ZNF462: variants seen among roughly 807,000 people sequenced by gnomAD.
The protein encoded by ZNF462 is zinc finger protein 462, also known as zinc finger PBX1-interacting protein.
In ZNF462, 10 loss-of-function variants were observed where a neutral mutation model predicts 201.9. The observed-to-expected ratio is 0.05, with a 90% CI of 0.03 to 0.08. The LOEUF is 0.08. Among genes scored for constraint, ZNF462 ranks in the 10% least tolerant of loss-of-function variants. ZNF462 has a pLI of 1.00. For synonymous variants in ZNF462, 1,227 were observed against 1,193.3 expected, an observed-to-expected ratio of 1.03 and a Z score of -0.58; for missense variants, 2,523 against 3,168.3, an observed-to-expected ratio of 0.80 and a Z score of 4.89.
intron 11 of ZNF462, among the ~76,000 whole-genome samples, chr9:107,007,044 G>A (rs1829598544): frequency 6.6e-6 from 1 of 152,122 alleles, no homozygotes; most frequent in Admixed American, 6.5e-5. Flanking sequence ...TTTTCTGGGA[G>A]AGGATACTTT....
At chr9:106,908,943 T>A (rs4742676) in intron 1 of ZNF462, among the ~76,000 whole-genome samples, 323 of 17,518 alleles carry the variant, frequency 0.018, 1 homozygote, top group Admixed American at 0.029. Context: ...ATATATATAT[T>A]TTTTTTTTTT....
Position 107,010,837 on chromosome 9 carries a change from C to A in ZNF462, c.7328C>A (p.Thr2443Asn). 1 of 1,612,648 alleles carries A rather than the reference C, an allele frequency of 6.2e-7. No homozygotes were observed. Among genetic ancestry groups the A allele is most frequent in the Non-Finnish European group, 8.5e-7 (1 of 1,179,374 alleles). The change falls in exon 13 of 13, where the codon ACC becomes AAC. Residue 2443 changes from threonine (T) to asparagine (N), a missense_variant. Physicochemically the swap from Thr to Asn is moderately conservative, Grantham distance 65. Around this residue, in one of 15 missense-constraint regions of ZNF462, gnomAD observed 228 missense variants for 361.2 expected, o/e 0.63. Transcript: ENST00000277225. This position sits in a 1 kb window ranked among gnomAD's most constrained non-coding sequence, Gnocchi z 4.6. ...TGTTTTTCCAGGGCATTGAATGACA[C>A]CAAGCAGGTGAGCAGAGAAGAAATC... The part of the protein sequence containing the change: ...VLRHGMALND[T>N]KQVSREEIHP...
chr9:106,982,967 G>T (rs1266247348), intron 9 of ZNF462, among the ~76,000 whole-genome samples: 2 of 152,140 alleles, frequency 1.3e-5, no homozygotes, highest in Non-Finnish European at 2.9e-5. Context: ...ATGCTTTCTT[G>T]ACTTAATAAT....
intron 1 of ZNF462, among the ~76,000 whole-genome samples, chr9:106,893,580 C>T (rs541374269): frequency 2.0e-5 from 3 of 152,282 alleles, no homozygotes; most frequent in African/African-American, 7.2e-5. Flanking sequence ...GCACTCGAAG[C>T]GATATCTCCT....
intron 7 of ZNF462, among the ~76,000 whole-genome samples, chr9:106,960,544 A>G (rs1831786418): frequency 4.6e-5 from 7 of 152,116 alleles, no homozygotes; most frequent in Admixed American, 2.6e-4. Flanking sequence ...AACAGCAGGA[A>G]ACCTTACTTC....
Position 106,863,311 on chromosome 9 carries a change from G to T in ZNF462, c.-75G>T, listed in dbSNP as rs1249691350. On this transcript the variant is annotated 5_prime_UTR_variant, in exon 1 of 13. Transcript: ENST00000277225. ...GAGAAAGAGGATAAGGAGGCGGTGG[G>T]GCTGGAGAACCCGAAGCACCTCCCG... The T allele has an allele frequency of 2.5e-6, 1 of 398,376 alleles. No individual in the cohort carries two copies. 24.7% of individuals were successfully genotyped at this position (398,376 alleles called of 1,614,324 possible).
intron 7 of ZNF462, among the ~76,000 whole-genome samples, chr9:106,947,473 A>G (rs1010832169): frequency 3.3e-5 from 5 of 152,192 alleles, no homozygotes; most frequent in African/African-American, 1.2e-4. Flanking sequence ...TAGCACTGCT[A>G]GTTATTTTTT....
chr9:106,919,666 G>A lies in ZNF462; in HGVS notation c.-30-3688G>A, dbSNP rs562490466. On this transcript the variant is annotated intron_variant, in intron 1 of 12. Coordinates refer to ENST00000277225, the MANE Select transcript of ZNF462 (RefSeq NM_021224.6). The surrounding 1 kb of genome is among the most constrained non-coding windows in gnomAD (Gnocchi z 4.5). The stretch of plus-strand genomic sequence containing the variant: ...AACTGAACAAACCAGCAACGAATAA[G>A]TAGTACTAAAGGCAGTGACTAATTA... 6.6e-6 allele frequency among the ~76,000 whole-genome samples: 1 copy of A among 152,286 alleles called. No individual in the cohort carries two copies. The highest frequency in any genetic ancestry group is 1.5e-5 in the Non-Finnish European group (1 of 68,036).
In ZNF462 at chr9:106,963,918, C is replaced by T. The variant is rs922851575; in HGVS notation, c.6428-8087C>T. Among the ~76,000 whole-genome samples, 2 of 151,990 alleles carry T rather than the reference C, an allele frequency of 1.3e-5. No homozygotes were observed. The highest frequency in any genetic ancestry group is 4.8e-5 in the African/African-American group (2 of 41,400). Reference sequence around the variant, plus strand: ...ATGGGTTTGACTGCTCTAGGTGCCTCATGGAAGTGGCATCGTGCAGTATTT... The same window carrying T: ...ATGGGTTTGACTGCTCTAGGTGCCTTATGGAAGTGGCATCGTGCAGTATTT... On this transcript the variant is annotated intron_variant, in intron 7 of 12. Coordinates refer to ENST00000277225, the MANE Select transcript of ZNF462 (RefSeq NM_021224.6). This position sits in a 1 kb window ranked among gnomAD's most constrained non-coding sequence, Gnocchi z 4.7.
intron 1 of ZNF462, among the ~76,000 whole-genome samples, chr9:106,909,004 C>A (rs1257799381): frequency 2.6e-5 from 3 of 115,704 alleles, no homozygotes; most frequent in African/African-American, 3.4e-5. Context: ...ACTCTATCAC[C>A]CAGACAAGAG....
chr9:106,887,468 C>T (rs1216131494), intron 1 of ZNF462, among the ~76,000 whole-genome samples: 1 of 152,126 alleles, frequency 6.6e-6, no homozygotes, highest in Non-Finnish European at 1.5e-5. Flanking sequence ...ATCAGTATTC[C>T]AAGATACTTC....
Position 106,885,872 on chromosome 9 carries a change from C to T in ZNF462, c.-31+22517C>T, listed in dbSNP as rs1828295196. ...TTTCCAGTTCCTCTATCCCTATTCC[C>T]TGTCATCACATAAACCACTTGGAGA... On this transcript the variant is annotated intron_variant, in intron 1 of 12. Coordinates refer to ENST00000277225, the MANE Select transcript of ZNF462 (RefSeq NM_021224.6). This position sits in a 1 kb window ranked among gnomAD's most constrained non-coding sequence, Gnocchi z 4.1. Among the ~76,000 whole-genome samples the T allele has an allele frequency of 6.6e-6, 1 of 152,164 alleles. No individual in the cohort carries two copies. Among genetic ancestry groups the T allele is most frequent in the Non-Finnish European group, 1.5e-5 (1 of 68,028 alleles).
In ZNF462 at chr9:106,876,027, CTT is replaced by C. The variant is rs889241170; in HGVS notation, c.-31+12673_-31+12674del. Among the ~76,000 whole-genome samples, 19 of 152,246 alleles carry C rather than the reference CTT, an allele frequency of 1.2e-4. No individual in the cohort carries two copies. The highest frequency in any genetic ancestry group is 2.6e-4 in the Admixed American group (4 of 15,296). On this transcript the variant is annotated intron_variant, in intron 1 of 12. Coordinates refer to ENST00000277225, the MANE Select transcript of ZNF462 (RefSeq NM_021224.6). This position sits in a 1 kb window ranked among gnomAD's most constrained non-coding sequence, Gnocchi z 4.9. Reference sequence around the variant, plus strand: ...ACATCAAGAGTGCAAATAGTCATCTCTTAGAATTTCTGGGGTGAAAATGCAGT... The same window carrying C: ...ACATCAAGAGTGCAAATAGTCATCTCAGAATTTCTGGGGTGAAAATGCAGT...
In ZNF462 at chr9:106,928,733, C is replaced by T. The variant is rs1438671147; in HGVS notation, c.4821C>T (p.Val1607=). The part of the protein sequence containing the change: ...EKYHNQPEFD[V]FSQSPPKLPV... Reference sequence around the variant, plus strand: ...ATCACAATCAGCCTGAATTTGATGTCTTTTCCCAGTCGCCCCCGAAGCTGC... The same window carrying T: ...ATCACAATCAGCCTGAATTTGATGTTTTTTCCCAGTCGCCCCCGAAGCTGC... Residue 1607 remains valine (V), a synonymous_variant, in exon 3 of 13, where the codon GTC becomes GTT. Coordinates refer to ENST00000277225, the MANE Select transcript of ZNF462 (RefSeq NM_021224.6). This position sits in a 1 kb window ranked among gnomAD's most constrained non-coding sequence, Gnocchi z 9.3. 1 of 1,614,120 alleles carries T rather than the reference C, an allele frequency of 6.2e-7. No homozygotes were observed. The highest frequency in any genetic ancestry group is 1.7e-5 in the Admixed American group (1 of 60,010).
chr9:106,957,057 GACTA>G (rs1485594379), intron 7 of ZNF462, among the ~76,000 whole-genome samples: 7 of 152,124 alleles, frequency 4.6e-5, no homozygotes, highest in African/African-American at 1.4e-4. Flanking sequence ...TTCACAACTT[GACTA>G]ACTGTTTGGC....
Position 106,923,223 on chromosome 9 carries a change from A to G in ZNF462, c.-30-131A>G. The G allele has an allele frequency of 1.5e-6, 1 of 659,074 alleles. No homozygotes were observed. Among genetic ancestry groups the G allele is most frequent in the Non-Finnish European group, 2.6e-6 (1 of 380,654 alleles). The allele number at this position is 659,074 out of a possible 1,614,324, so 40.8% of individuals were successfully genotyped here. A position where few individuals can be genotyped will look rare whatever the true frequency, so the allele number is the denominator to read the frequency against. ...TTGCCTCTCTTTAGCCAATGTTCCA[A>G]CTGGCAAAGTCCAATAAGAGAAATC... On this transcript the variant is annotated intron_variant, in intron 1 of 12. Coordinates refer to ENST00000277225, the MANE Select transcript of ZNF462 (RefSeq NM_021224.6). The surrounding 1 kb of genome is among the most constrained non-coding windows in gnomAD (Gnocchi z 5.6).
intron 1 of ZNF462, among the ~76,000 whole-genome samples, chr9:106,906,313 G>A (rs970009794): frequency 6.6e-6 from 1 of 152,152 alleles, no homozygotes; most frequent in Non-Finnish European, 1.5e-5. Context: ...GGGATTGCTG[G>A]TTTGTTCTTG....
At chr9:106,959,566 TG>T (rs1831734342) in intron 7 of ZNF462, among the ~76,000 whole-genome samples, 1 of 152,098 alleles carries the variant, frequency 6.6e-6, no homozygotes, top group African/African-American at 2.4e-5. Flanking sequence ...CTTCTCCACT[TG>T]ACAAATGAGG....
intron 7 of ZNF462, among the ~76,000 whole-genome samples, chr9:106,943,054 G>A (rs977708934): frequency 9.8e-5 from 11 of 111,688 alleles, no homozygotes; most frequent in East Asian, 2.5e-4. Context: ...TTTGTTTTGC[G>A]CGCGCGTGTG....
Sources: allele counts gnomAD v4.1 joint callset (sites outside exome capture counted in the v4.1 genomes callset), GRCh38; gene constraint gnomAD v4.1.1; regional missense constraint gnomAD v4.1.1; non-coding constraint Gnocchi (gnomAD v3.1); transcripts MANE v1.5; gene names NCBI Gene and HGNC (gene_info 2026-07-23, HGNC 2026-07-21).